Variants in FBXO25 observed in about 807,000 individuals in gnomAD.
The protein encoded by FBXO25 is F-box protein 25, also known as F-box only protein 25.
A neutral mutation model predicts 51.9 loss-of-function variants in FBXO25; 45 were observed. The ratio of observed to expected loss-of-function variants is 0.87; its 90% CI spans 0.68 to 1.11. The LOEUF is 1.11. Among genes scored for constraint, FBXO25 ranks in the 50% most tolerant of loss-of-function variants. The pLI is 0.00. For missense variants in FBXO25, 507 were observed against 428.5 expected (o/e 1.18, Z -1.62); for synonymous variants, 199 against 151.0 (o/e 1.32, Z -2.33).
chr8:423,475 C>T (rs1017314548), intron 2 of FBXO25, among the ~76,000 whole-genome samples: 1 of 152,004 alleles, frequency 6.6e-6, no homozygotes, highest in Admixed American at 6.6e-5. Flanking sequence ...TCCCCAGTGT[C>T]TGTTGTTCCC....
chr8:450,482 C>T (rs1291405328), intron 6 of FBXO25, among the ~76,000 whole-genome samples: 2 of 152,166 alleles, frequency 1.3e-5, no homozygotes, highest in Non-Finnish European at 2.9e-5. Flanking sequence ...TGATAAGTTA[C>T]TGGCTGTTAG....
At chr8:466,312 G>C (rs11782285) in intron 9 of FBXO25, among the ~76,000 whole-genome samples, 3,492 of 152,318 alleles carry the variant, frequency 0.023, 80 homozygotes, top group Non-Finnish European at 0.037. Flanking sequence ...ACCTGGACCT[G>C]CCTCCGGGGT....
intron 7 of FBXO25, among the ~76,000 whole-genome samples, chr8:453,229 C>T (rs1359647010): frequency 6.6e-6 from 1 of 152,192 alleles, no homozygotes; most frequent in Non-Finnish European, 1.5e-5. Context: ...ACAAAGGTGC[C>T]AGTTTTCGTC....
intron 3 of FBXO25, among the ~76,000 whole-genome samples, 155 bp downstream of exon 3, chr8:431,599 T>A (rs1797824625): frequency 2.6e-5 from 4 of 152,242 alleles, no homozygotes; most frequent in Admixed American, 2.6e-4. Flanking sequence ...ATCAAACTTT[T>A]TGCAGCTCAA....
At chr8:457,790 G>A (rs11994588) in intron 7 of FBXO25, among the ~76,000 whole-genome samples, 6,010 of 152,294 alleles carry the variant, frequency 0.039, 332 homozygotes, top group African/African-American at 0.13. Flanking sequence ...TGCTGCCAAT[G>A]TAGACAGATT....
chr8:425,162 C>A (rs1022112592), intron 2 of FBXO25, among the ~76,000 whole-genome samples: 2 of 149,902 alleles, frequency 1.3e-5, no homozygotes, highest in East Asian at 4.0e-4. Flanking sequence ...TCTATTATAA[C>A]CTACTTCATC....
At chr8:463,219 T>G (rs2116827769) in intron 9 of FBXO25, 69 bp downstream of exon 9, 2 of 1,533,966 alleles carry the variant, frequency 1.3e-6, no homozygotes, top group Non-Finnish European at 1.8e-6. Context: ...TCACCTATAT[T>G]TTAAGTATAA....
rs1800386304 is a variant in FBXO25 at position 469,157 on chromosome 8, C to T, written c.*353C>T. 5.1e-6 allele frequency: 1 copy of T among 194,328 alleles called. No homozygotes were observed. Among genetic ancestry groups the T allele is most frequent in the African/African-American group, 2.3e-5 (1 of 43,048 alleles). 12.0% of individuals were successfully genotyped at this position (194,328 alleles called of 1,614,324 possible). A position where few individuals can be genotyped will look rare whatever the true frequency, so the allele number is the denominator to read the frequency against. On this transcript the variant is annotated 3_prime_UTR_variant, in exon 10 of 10. Transcript: ENST00000350302. ...GGCCAATAATATGCTTCTTAATTAT[C>T]AAATTATAGTTTCCCAATTGGGAAA...
rs1364398657 is a variant in FBXO25, at chr8:423,230, C to T, written c.135-8111C>T. ...GAGGCTTAATACTGTGTTTTCATGTCAGCTGGGGCTAGAGTCTTCACCATT... is the reference window on the plus strand; with the variant it reads ...GAGGCTTAATACTGTGTTTTCATGTTAGCTGGGGCTAGAGTCTTCACCATT... On this transcript the variant is annotated intron_variant, in intron 2 of 9. Coordinates refer to ENST00000350302, the MANE Select transcript of FBXO25 (RefSeq NM_183420.2). Among the ~76,000 whole-genome samples the T allele has an allele frequency of 2.0e-5, 3 of 152,174 alleles. No homozygotes were observed. In the East Asian group the frequency reaches 5.8e-4, roughly 29 times the overall value.
rs1483577322 is a variant in FBXO25, at chr8:476,089, A to G, written c.*7285A>G. The G allele has an allele frequency of 6.6e-6, 1 of 152,032 alleles. No homozygotes were observed. The highest frequency in any genetic ancestry group is 1.5e-5 in the Non-Finnish European group (1 of 67,992). 9.4% of individuals were successfully genotyped at this position (152,032 alleles called of 1,614,324 possible). A position where few individuals can be genotyped will look rare whatever the true frequency, so the allele number is the denominator to read the frequency against. The stretch of plus-strand genomic sequence containing the variant: ...AGTTTTTATCATGAAAGGGCATGAC[A>G]TTGTCTCAAATGCTTTTTCTCCATC... On this transcript the variant is annotated 3_prime_UTR_variant, in exon 10 of 10. Coordinates refer to ENST00000350302, the MANE Select transcript of FBXO25 (RefSeq NM_183420.2).
At chr8:452,693 G>C (rs116437565) in intron 7 of FBXO25, among the ~76,000 whole-genome samples, 3 of 152,192 alleles carry the variant, frequency 2.0e-5, no homozygotes, top group Non-Finnish European at 4.4e-5. Context: ...AGCCTTTCTT[G>C]TCTGGCTGGG....
At chr8:459,065 T>C (rs1232957845) in intron 8 of FBXO25, among the ~76,000 whole-genome samples, 1 of 152,152 alleles carries the variant, frequency 6.6e-6, no homozygotes, top group Non-Finnish European at 1.5e-5. Context: ...CTTGAGGCCT[T>C]TGCAGGGTGG....
intron 5 of FBXO25, among the ~76,000 whole-genome samples, chr8:442,404 CTTT>C (rs1209797597): frequency 6.7e-6 from 1 of 149,686 alleles, no homozygotes; most frequent in Non-Finnish European, 1.5e-5. Flanking sequence ...CTACAGGTTA[CTTT>C]TTTTTTTCTT....
intron 5 of FBXO25, among the ~76,000 whole-genome samples, chr8:445,303 T>C (rs1220429112): frequency 6.6e-6 from 1 of 152,186 alleles, no homozygotes; most frequent in Non-Finnish European, 1.5e-5. Context: ...TAAAGAAATG[T>C]AGAAAACTTA....
At chr8:449,869 A>T in intron 5 of FBXO25, 121 bp from the exon 6 acceptor site, 1 of 715,456 alleles carries the variant, frequency 1.4e-6, no homozygotes, top group Non-Finnish European at 2.4e-6. Context: ...TCGGACTGAT[A>T]CAGTGACTTA....
At chr8:419,511 C>T (rs1797023953) in intron 2 of FBXO25, among the ~76,000 whole-genome samples, 2 of 152,172 alleles carry the variant, frequency 1.3e-5, no homozygotes, top group South Asian at 2.1e-4. Context: ...CAGATATGGT[C>T]GGTTTGTTTT....
rs920160597 is a variant in FBXO25 at position 473,291 on chromosome 8, C to G, written c.*4487C>G. On this transcript the variant is annotated 3_prime_UTR_variant, in exon 10 of 10. Coordinates refer to ENST00000350302, the MANE Select transcript of FBXO25 (RefSeq NM_183420.2). ...TTCAGAATTTCAGCAGGAACTGCAT[C>G]ATTGTGTGCCTAAAAAGCCCTGGCT... is the stretch of plus-strand genomic sequence containing the variant. The G allele has an allele frequency of 6.6e-6, 1 of 152,236 alleles. No homozygotes were observed. The highest frequency in any genetic ancestry group is 2.4e-5 in the African/African-American group (1 of 41,438). 9.4% of individuals were successfully genotyped at this position (152,236 alleles called of 1,614,324 possible). A position where few individuals can be genotyped will look rare whatever the true frequency, so the allele number is the denominator to read the frequency against.
At chr8:407,383 C>A in intron 1 of FBXO25, 18 of 980,986 alleles carry the variant, frequency 1.8e-5, no homozygotes, top group Non-Finnish European at 2.2e-5. Context: ...GCGGGCGCGT[C>A]AGGTAGGGAC....
intron 9 of FBXO25, chr8:468,036 G>C: frequency 7.8e-7 from 1 of 1,280,896 alleles, no homozygotes; most frequent in South Asian, 1.8e-5. Context: ...CACTGCCAGG[G>C]CATGCCATGG....
Sources: allele counts gnomAD v4.1 joint callset (sites outside exome capture counted in the v4.1 genomes callset), GRCh38; gene constraint gnomAD v4.1.1; transcripts MANE v1.5; gene names NCBI Gene and HGNC (gene_info 2026-07-23, HGNC 2026-07-21).